Variants in DNAJC5B observed in about 807,000 individuals in gnomAD.
DNAJC5B encodes the protein DnaJ heat shock protein family (Hsp40) member C5 beta, also known as dnaJ homolog subfamily C member 5B.
Under a neutral mutation model 24.7 loss-of-function variants are expected in DNAJC5B, and 23 were observed. The observed-to-expected ratio is 0.93, with a 90% confidence interval of 0.67 to 1.32. The LOEUF is 1.32. DNAJC5B is among the 40% of genes most tolerant of loss of function. The pLI is 0.00. For synonymous variants in DNAJC5B, 101 were observed against 90.1 expected (o/e 1.12, Z -0.68); for missense variants, 238 against 240.8 (o/e 0.99, Z 0.08).
intron 3 of DNAJC5B, among the ~76,000 whole-genome samples, chr8:66,061,270 C>A (rs1194951172): frequency 6.6e-6 from 1 of 152,056 alleles, no homozygotes; most frequent in Non-Finnish European, 1.5e-5. Context: ...CCAGCCTGGG[C>A]AACACAGAAA....
intron 2 of DNAJC5B, among the ~76,000 whole-genome samples, chr8:66,044,702 C>T (rs989216403): frequency 2.0e-5 from 3 of 152,040 alleles, no homozygotes; most frequent in African/African-American, 7.3e-5. Flanking sequence ...ATGGCTTTGT[C>T]GTGCAGCTAG....
At chr8:66,021,319 C>G (rs1806115930), upstream of DNAJC5B, among the ~76,000 whole-genome samples, 1 of 152,200 alleles carries the variant, frequency 6.6e-6, no homozygotes, top group Non-Finnish European at 1.5e-5. Flanking sequence ...CATAATTCTG[C>G]AGGTCAGTTT....
intron 1 of DNAJC5B, among the ~76,000 whole-genome samples, chr8:66,040,193 C>T (rs901171116): frequency 6.6e-6 from 1 of 152,062 alleles, no homozygotes; most frequent in Non-Finnish European, 1.5e-5. Context: ...AGATCGAGAC[C>T]ATCCTGGCCA....
chr8:66,021,504 A>T (rs923436481), upstream of DNAJC5B: 3 of 152,288 alleles, frequency 2.0e-5, no homozygotes, highest in African/African-American at 7.2e-5. Context: ...CTGTGACATC[A>T]CAATATCCAG....
chr8:66,016,582 G>A (rs986205202), upstream of DNAJC5B, among the ~76,000 whole-genome samples: 4 of 152,110 alleles, frequency 2.6e-5, no homozygotes, highest in African/African-American at 4.8e-5. Flanking sequence ...TCATAGCAGC[G>A]TGAAGACAAA....
At chr8:66,039,879 G>A (rs367853405) in intron 1 of DNAJC5B, among the ~76,000 whole-genome samples, 2 of 152,156 alleles carry the variant, frequency 1.3e-5, no homozygotes, top group East Asian at 3.8e-4. Context: ...AATTCTTAAA[G>A]CTCTTCCAAT....
chr8:66,041,529 A>G (rs1365936844), intron 1 of DNAJC5B, among the ~76,000 whole-genome samples: 2 of 152,202 alleles, frequency 1.3e-5, no homozygotes, highest in Non-Finnish European at 2.9e-5. Context: ...AACAAGGGAA[A>G]TTAGCAAGTA....
At chr8:66,017,382 A>G (rs1805982725), upstream of DNAJC5B, among the ~76,000 whole-genome samples, 1 of 152,194 alleles carries the variant, frequency 6.6e-6, no homozygotes, top group African/African-American at 2.4e-5. Flanking sequence ...TTTTGAGAAA[A>G]TGTTATGATT....
chr8:66,089,902 G>A (rs940126383), intron 5 of DNAJC5B, among the ~76,000 whole-genome samples: 3 of 152,084 alleles, frequency 2.0e-5, no homozygotes, highest in African/African-American at 7.2e-5. Context: ...GGAACACAGA[G>A]GCATTCTATT....
chr8:66,019,878 C>A (rs1806064872), upstream of DNAJC5B, among the ~76,000 whole-genome samples: 1 of 152,174 alleles, frequency 6.6e-6, no homozygotes, highest in Non-Finnish European at 1.5e-5. Flanking sequence ...GGAGAATTCA[C>A]AGATGTGGAA....
chr8:66,042,184 TTTTG>T (rs1806624671), intron 1 of DNAJC5B, among the ~76,000 whole-genome samples: 1 of 152,194 alleles, frequency 6.6e-6, no homozygotes, highest in Admixed American at 6.5e-5. Context: ...CTGTGTTGAC[TTTTG>T]TTTATCAGTA....
intron 4 of DNAJC5B, 107 bp from the exon 5 acceptor site, chr8:66,080,270 G>T: frequency 4.7e-6 from 7 of 1,476,786 alleles, no homozygotes; most frequent in Non-Finnish European, 6.4e-6. Flanking sequence ...GGTGAACTGT[G>T]AAGTGTTCAG....
chr8:66,035,389 G>T (rs1175831033), intron 1 of DNAJC5B, among the ~76,000 whole-genome samples: 1 of 152,232 alleles, frequency 6.6e-6, no homozygotes, highest in Non-Finnish European at 1.5e-5. Context: ...ATGTCATTAA[G>T]ATCTAAATTA....
chr8:66,076,861 C>T lies in DNAJC5B; in HGVS notation c.321C>T (p.Ser107=). ...ENVNTYFMLS[S]WWAKALFVIV... is the part of the protein sequence containing the mutation. The stretch of plus-strand genomic sequence containing the variant: ...TTAACACCTACTTCATGCTGTCGAG[C>T]TGGTGGGCAAAGGTGAAACTGAATT... Residue 107 remains serine (S), a synonymous_variant, in exon 4 of 6, where the codon AGC becomes AGT. Transcript: ENST00000276570. 6.2e-7 allele frequency: 1 copy of T among 1,614,114 alleles called. No individual in the cohort carries two copies. Among genetic ancestry groups the T allele is most frequent in the South Asian group, 1.1e-5 (1 of 91,084 alleles).
At chr8:66,090,289 G>C (rs928657561) in intron 5 of DNAJC5B, among the ~76,000 whole-genome samples, 1 of 150,894 alleles carries the variant, frequency 6.6e-6, no homozygotes, top group African/African-American at 2.4e-5. Context: ...GTGGTAGAGA[G>C]AGAGAGAGAG....
intron 5 of DNAJC5B, among the ~76,000 whole-genome samples, chr8:66,094,547 T>C (rs1258884579): frequency 6.6e-6 from 1 of 152,116 alleles, no homozygotes; most frequent in Admixed American, 6.5e-5. Context: ...TCTTTAGGGT[T>C]TCTACTTAAC....
chr8:66,063,857 T>C (rs1807134819), intron 3 of DNAJC5B, among the ~76,000 whole-genome samples: 1 of 152,264 alleles, frequency 6.6e-6, no homozygotes, highest in East Asian at 1.9e-4. Context: ...TTGTTTTGCT[T>C]GTCTTTGAGA....
At chr8:66,051,455 C>A (rs1297240661) in intron 2 of DNAJC5B, 76 bp from the exon 3 acceptor site, 3 of 843,754 alleles carry the variant, frequency 3.6e-6, no homozygotes, top group Non-Finnish European at 5.7e-6. Flanking sequence ...TACAAAAGGT[C>A]AAAAATGAGC....
At chr8:66,036,966 G>C (rs949068339) in intron 1 of DNAJC5B, among the ~76,000 whole-genome samples, 4 of 152,190 alleles carry the variant, frequency 2.6e-5, no homozygotes, top group Non-Finnish European at 5.9e-5. Flanking sequence ...CGGTTCTGCG[G>C]CAGGGCTGGA....
Sources: gnomAD v4.1 joint callset for allele counts (sites outside exome capture counted in the v4.1 genomes callset) on GRCh38, gnomAD v4.1.1 for gene constraint, MANE v1.5 for transcripts, NCBI Gene and HGNC (gene_info 2026-07-23, HGNC 2026-07-21) for gene names.